PIAS4: variants seen among roughly 807,000 people sequenced by gnomAD.
PIAS4 encodes the protein E3 SUMO-protein ligase PIAS4.
PIAS4 carries 7 observed loss-of-function variants against 58.0 expected under a neutral mutation model. The ratio of observed to expected loss-of-function variants is 0.12; its 90% CI spans 0.07 to 0.23. The LOEUF (loss-of-function observed/expected upper bound fraction) is 0.23, where lower values mean the gene tolerates loss of function less well. PIAS4 is among the 10% of genes least tolerant of loss of function. The pLI is 1.00. For missense variants in PIAS4, 550 were observed against 709.5 expected (o/e 0.78, Z 2.55); for synonymous variants, 364 against 312.4 (o/e 1.17, Z -1.74).
chr19:4,011,617 C>G (rs1375936420), intron 1 of PIAS4, among the ~76,000 whole-genome samples: 1 of 151,944 alleles, frequency 6.6e-6, no homozygotes, highest in African/African-American at 2.4e-5. Flanking sequence ...CCCAGGGACT[C>G]AGGGCAACGT....
chr19:4,008,778 A>C (rs2039966747), intron 1 of PIAS4, among the ~76,000 whole-genome samples: 2 of 147,444 alleles, frequency 1.4e-5, no homozygotes, highest in African/African-American at 2.5e-5. Context: ...TCAGACACCC[A>C]CCCTCCCCCT....
chr19:4,009,037 G>C (rs1176463064), intron 1 of PIAS4, among the ~76,000 whole-genome samples: 1 of 152,076 alleles, frequency 6.6e-6, no homozygotes, highest in Non-Finnish European at 1.5e-5. Context: ...CCCCATTCCA[G>C]GGGATGTACC....
intron 9 of PIAS4, among the ~76,000 whole-genome samples, chr19:4,036,701 C>T (rs1426352883): frequency 7.2e-6 from 1 of 139,006 alleles, no homozygotes; most frequent in African/African-American, 3.3e-5. Context: ...ATAGTCCACA[C>T]CATCATACAC....
At chr19:4,025,955 T>G (rs1321916398) in intron 3 of PIAS4, among the ~76,000 whole-genome samples, 1 of 149,438 alleles carries the variant, frequency 6.7e-6, no homozygotes, top group African/African-American at 2.5e-5. Context: ...GCGCCTGTAG[T>G]CCCAGCTACT....
chr19:4,038,068 G>A lies in PIAS4; in HGVS notation c.*193G>A. On this transcript the variant is annotated 3_prime_UTR_variant, in exon 11 of 11. Coordinates refer to ENST00000262971, the MANE Select transcript of PIAS4 (RefSeq NM_015897.4). This position sits in a 1 kb window ranked among gnomAD's most constrained non-coding sequence, Gnocchi z 4.1. ...GGGGGATTAAAAAAAAAAGTAAAAT[G>A]ACAAAAAAAGATACAAAAAAGAAAA... 47 of 538,932 alleles carry A rather than the reference G, an allele frequency of 8.7e-5. No individual in the cohort carries two copies. The highest frequency in any genetic ancestry group is 4.9e-4 in the Middle Eastern group (1 of 2,024). The allele number at this position is 538,932 out of a possible 1,614,324, so 33.4% of individuals were successfully genotyped here.
rs1157825812 is a variant in PIAS4, at chr19:4,037,077, G to A, written c.1143-297G>A. On this transcript the variant is annotated intron_variant, in intron 9 of 10. Coordinates refer to ENST00000262971, the MANE Select transcript of PIAS4 (RefSeq NM_015897.4). The surrounding 1 kb of genome is among the most constrained non-coding windows in gnomAD (Gnocchi z 5.8). Reference sequence around the variant, plus strand: ...GAGGGGCAGGGTGGGGAGGACCCCTGCAGCTGCCACACTCCCTGCTCTTGT... The same window carrying A: ...GAGGGGCAGGGTGGGGAGGACCCCTACAGCTGCCACACTCCCTGCTCTTGT... Among the ~76,000 whole-genome samples the A allele has an allele frequency of 1.3e-5, 2 of 151,708 alleles. No individual in the cohort carries two copies. Among genetic ancestry groups the A allele is most frequent in the African/African-American group, 4.8e-5 (2 of 41,434 alleles).
At chr19:4,007,888 C>A in intron 1 of PIAS4, 101 bp downstream of exon 1, 2 of 917,260 alleles carry the variant, frequency 2.2e-6, no homozygotes, top group South Asian at 5.3e-5. Context: ...CCCCACAGCG[C>A]GGCCGGCCCG....
At chr19:4,025,004 T>C (rs1224998723) in intron 3 of PIAS4, among the ~76,000 whole-genome samples, 1 of 152,216 alleles carries the variant, frequency 6.6e-6, no homozygotes. Flanking sequence ...ACTCAGGTGA[T>C]TCACCCACCT....
At chr19:4,023,759 G>C (rs1171281015) in intron 2 of PIAS4, among the ~76,000 whole-genome samples, 1 of 152,228 alleles carries the variant, frequency 6.6e-6, no homozygotes, top group African/African-American at 2.4e-5. Context: ...GGTTTCCTAA[G>C]TAGACGCCTG....
In PIAS4 at chr19:4,033,451, G is replaced by A; in HGVS notation, c.1013G>A (p.Arg338Gln). Residue 338 changes from arginine (R) to glutamine (Q), a missense_variant, in exon 9 of 11, where the codon CGG (arginine) becomes CAG (glutamine). Arg to Gln is a conservative substitution (Grantham distance 43, BLOSUM62 1). Around this residue, in one of 4 missense-constraint regions of PIAS4, gnomAD observed 225 missense variants for 345.8 expected, o/e 0.65. Coordinates refer to ENST00000262971, the MANE Select transcript of PIAS4 (RefSeq NM_015897.4). ...AAGATGCGGCTCTCCGTGCCCTGCC[G>A]GGCAGAGACCTGTGCCCACCTGCAG... Reference protein sequence around the residue: ...LVKMRLSVPCRAETCAHLQCF... With the variant: ...LVKMRLSVPCQAETCAHLQCF... 1.3e-6 allele frequency: 2 copies of A among 1,563,168 alleles called. No individual in the cohort carries two copies. The highest frequency in any genetic ancestry group is 1.7e-6 in the Non-Finnish European group (2 of 1,154,632).
rs768619438 is a variant in PIAS4, at chr19:4,037,773, G to C, written c.1431G>C (p.Glu477Asp). 6.2e-7 allele frequency: 1 copy of C among 1,604,568 alleles called. No homozygotes were observed. Among genetic ancestry groups the C allele is most frequent in the African/African-American group, 1.3e-5 (1 of 74,976 alleles). ...CGCTGGACAGCTCATCGTCCTCGGA[G>C]GATGAGGAGGAGGAGGAAGAGGAGG... ...DLTLDSSSSS[E>D]DEEEEEEEEE... The change falls in exon 11 of 11, where the codon GAG becomes GAC. Residue 477 changes from glutamate to aspartate, a missense_variant. Around this residue, in one of 4 missense-constraint regions of PIAS4, gnomAD observed 188 missense variants for 192.0 expected, o/e 0.98. Transcript: ENST00000262971. This position sits in a 1 kb window ranked among gnomAD's most constrained non-coding sequence, Gnocchi z 5.8.
intron 2 of PIAS4, among the ~76,000 whole-genome samples, chr19:4,016,570 G>A (rs1045377718): frequency 2.0e-5 from 3 of 152,206 alleles, no homozygotes; most frequent in East Asian, 1.9e-4. Context: ...CATGGCACAC[G>A]GAGGGCTTTC....
rs142584272 is a variant in PIAS4 at position 4,009,097 on chromosome 19, C to T, written c.27+1310C>T. Among the ~76,000 whole-genome samples, 82 of 152,180 alleles carry T rather than the reference C, an allele frequency of 5.4e-4. No individual in the cohort carries two copies. In the East Asian group the frequency reaches 0.014, roughly 26 times the overall value. ...TGAGGGTCTAAAACCCTTAGAAGTGCCCGCAAGGCCACGGCTTCCGGGGAG... is the reference window on the plus strand; with the variant it reads ...TGAGGGTCTAAAACCCTTAGAAGTGTCCGCAAGGCCACGGCTTCCGGGGAG... On this transcript the variant is annotated intron_variant, in intron 1 of 10. Transcript: ENST00000262971.
At chr19:4,011,501 G>C (rs766495490) in intron 1 of PIAS4, among the ~76,000 whole-genome samples, 81 of 152,256 alleles carry the variant, frequency 5.3e-4, no homozygotes, top group Non-Finnish European at 1.0e-3. Context: ...TCGCTGGAGA[G>C]GCCCGGCCAG....
chr19:4,027,591 T>G (rs2040180107), intron 3 of PIAS4, among the ~76,000 whole-genome samples: 1 of 148,954 alleles, frequency 6.7e-6, no homozygotes, highest in Admixed American at 6.7e-5. Context: ...TGGAGAGTGT[T>G]TCTCTTTGTT....
intron 3 of PIAS4, among the ~76,000 whole-genome samples, chr19:4,026,684 G>A (rs576790095): frequency 1.4e-4 from 22 of 151,850 alleles, no homozygotes; most frequent in South Asian, 8.3e-4. Context: ...TGTGGCTTTC[G>A]TTTATTATTA....
At chr19:4,025,249 A>G (rs886251504) in intron 3 of PIAS4, among the ~76,000 whole-genome samples, 1 of 152,152 alleles carries the variant, frequency 6.6e-6, no homozygotes, top group Admixed American at 6.5e-5. Context: ...AGATGTCCCC[A>G]GACACAGCTC....
rs1391259762 is a variant in PIAS4, at chr19:4,030,137, A to C, written c.907+1101A>C. On this transcript the variant is annotated intron_variant, in intron 7 of 10. Coordinates refer to ENST00000262971, the MANE Select transcript of PIAS4 (RefSeq NM_015897.4). ...ACGCCCGGCCCCAACTAATTTTTTA[A>C]TGTTTCGTAGAGATGGAATCTTGCT... Among the ~76,000 whole-genome samples the C allele has an allele frequency of 1.1e-4, 16 of 141,628 alleles. No homozygotes were observed. The Admixed American group carries it at 1.2e-3, about 11-fold the overall frequency. The allele number at this position is 141,628 out of a possible 152,430, so 92.9% of individuals were successfully genotyped here.
intron 7 of PIAS4, 110 bp downstream of exon 7, chr19:4,029,146 C>T (rs536435812): frequency 4.0e-5 from 30 of 751,542 alleles, no homozygotes; most frequent in Admixed American, 2.7e-4. Flanking sequence ...GATCAGGGGC[C>T]GCCTGTCACT....
Sources: allele counts gnomAD v4.1 joint callset (sites outside exome capture counted in the v4.1 genomes callset), GRCh38; gene constraint gnomAD v4.1.1; regional missense constraint gnomAD v4.1.1; non-coding constraint Gnocchi (gnomAD v3.1); transcripts MANE v1.5; gene names NCBI Gene and HGNC (gene_info 2026-07-23, HGNC 2026-07-21).